CSMD3: variants seen among roughly 807,000 people sequenced by gnomAD.
CSMD3 encodes CUB and sushi domain-containing protein 3.
In CSMD3, 177 loss-of-function variants were observed where a neutral mutation model predicts 435.2. The ratio of observed to expected loss-of-function variants is 0.41; its 90% CI spans 0.36 to 0.46. The LOEUF (loss-of-function observed/expected upper bound fraction) is 0.46. CSMD3 is among the 20% of genes least tolerant of loss of function. CSMD3 has a pLI of 0.34. For synonymous variants in CSMD3, 1,656 were observed against 1,520.5 expected (o/e 1.09, Z -2.07); for missense variants, 4,265 against 4,504.6 (o/e 0.95, Z 1.52).
At chr8:112,476,342 G>A (rs1012686188) in intron 31 of CSMD3, among the ~76,000 whole-genome samples, 2 of 152,022 alleles carry the variant, frequency 1.3e-5, no homozygotes, top group South Asian at 2.1e-4. Flanking sequence ...CACCACGCCC[G>A]GCCTAAATCT....
chr8:112,511,551 G>A (rs2130957064), intron 28 of CSMD3, among the ~76,000 whole-genome samples: 1 of 151,996 alleles, frequency 6.6e-6, no homozygotes, highest in East Asian at 1.9e-4. Flanking sequence ...CACCATGCCT[G>A]GCTAATTTTG....
intron 22 of CSMD3, among the ~76,000 whole-genome samples, chr8:112,606,521 C>T (rs547618680): frequency 6.6e-6 from 1 of 152,282 alleles, no homozygotes; most frequent in Admixed American, 6.5e-5. Flanking sequence ...AAACACTGTA[C>T]TTGAACTACC....
At chr8:112,685,970 T>C (rs542705461) in intron 14 of CSMD3, among the ~76,000 whole-genome samples, 4 of 132,004 alleles carry the variant, frequency 3.0e-5, no homozygotes, top group Non-Finnish European at 6.3e-5. Context: ...ATTGGAATAA[T>C]AGCAATTTTT....
intron 45 of CSMD3, among the ~76,000 whole-genome samples, chr8:112,334,630 A>G (rs1463266767): frequency 6.6e-6 from 1 of 152,202 alleles, no homozygotes; most frequent in African/African-American, 2.4e-5. Flanking sequence ...ATAAATAGCC[A>G]TTTTCTTATT....
At chr8:112,564,434 C>T (rs973352968) in intron 24 of CSMD3, among the ~76,000 whole-genome samples, 1 of 147,510 alleles carries the variant, frequency 6.8e-6, no homozygotes, top group African/African-American at 2.5e-5. Context: ...TCTTTTTTTC[C>T]GGGACTTGGT....
chr8:113,333,286 G>C (rs2094042278), intron 1 of CSMD3, among the ~76,000 whole-genome samples: 1 of 151,614 alleles, frequency 6.6e-6, no homozygotes, highest in Non-Finnish European at 1.5e-5. Flanking sequence ...TAATATTGAT[G>C]AATTTCATGT....
intron 10 of CSMD3, among the ~76,000 whole-genome samples, chr8:112,905,048 A>G (rs184167488): frequency 6.6e-6 from 1 of 151,466 alleles, no homozygotes; most frequent in South Asian, 2.1e-4. Context: ...CAGATTAATC[A>G]AAGTATCTGA....
At chr8:112,236,409 T>C (rs1209994711) in intron 67 of CSMD3, among the ~76,000 whole-genome samples, 1 of 152,108 alleles carries the variant, frequency 6.6e-6, no homozygotes, top group African/African-American at 2.4e-5. Context: ...GGGAATACAA[T>C]ATTAAGTTGG....
rs748753826 is a variant in CSMD3, at chr8:112,556,969, T to C, written c.4043-15A>G. 2 of 1,579,944 alleles carry C rather than the reference T, an allele frequency of 1.3e-6. No homozygotes were observed. Among genetic ancestry groups the C allele is most frequent in the Non-Finnish European group, 1.7e-6 (2 of 1,150,112 alleles). ...GAGTTCAAAACCTGGGACAAAAATA[T>C]AAATTGATTAAAGGCAAAATTTAGG... is the stretch of plus-strand genomic sequence containing the variant. On this transcript the variant is annotated splice_polypyrimidine_tract_variant and intron_variant, in intron 24 of 70. Transcript: ENST00000297405.
chr8:112,946,802 A>C (rs533314399), intron 9 of CSMD3, among the ~76,000 whole-genome samples: 1 of 151,792 alleles, frequency 6.6e-6, no homozygotes, highest in South Asian at 2.1e-4. Flanking sequence ...CATTTTAGAA[A>C]ATTACAATTG....
At chr8:112,853,204 G>C (rs888574725) in intron 11 of CSMD3, among the ~76,000 whole-genome samples, 1 of 151,978 alleles carries the variant, frequency 6.6e-6, no homozygotes, top group Non-Finnish European at 1.5e-5. Flanking sequence ...TTTGCCAGTT[G>C]TTCATCACTT....
intron 1 of CSMD3, among the ~76,000 whole-genome samples, chr8:113,353,414 T>G (rs1477174599): frequency 1.3e-5 from 2 of 152,150 alleles, no homozygotes; most frequent in Non-Finnish European, 2.9e-5. Flanking sequence ...CAATTTGCAG[T>G]TGAGCTGTTT....
At chr8:113,128,562 AC>A (rs1193315698) in intron 4 of CSMD3, among the ~76,000 whole-genome samples, 5 of 152,008 alleles carry the variant, frequency 3.3e-5, no homozygotes, top group Admixed American at 3.3e-4. Flanking sequence ...GAGAAGGAAG[AC>A]CTAGATGCAT....
intron 10 of CSMD3, among the ~76,000 whole-genome samples, chr8:112,909,407 A>G (rs992645243): frequency 6.6e-6 from 1 of 151,706 alleles, no homozygotes. Flanking sequence ...TTTTAAACAC[A>G]TATTTTTTTT....
chr8:112,773,178 A>G (rs76512345), intron 13 of CSMD3, among the ~76,000 whole-genome samples: 2,364 of 152,238 alleles, frequency 0.016, 120 homozygotes, highest in Admixed American at 0.096. Flanking sequence ...CAGAATAAAA[A>G]TGAAATAAAG....
At chr8:112,981,713 C>A (rs2085059838) in intron 6 of CSMD3, among the ~76,000 whole-genome samples, 1 of 151,654 alleles carries the variant, frequency 6.6e-6, no homozygotes, top group African/African-American at 2.4e-5. Flanking sequence ...AAATTATACA[C>A]TATTACACAA....
At chr8:112,573,365 A>T in intron 24 of CSMD3, 136 bp downstream of exon 24, 1 of 833,230 alleles carries the variant, frequency 1.2e-6, no homozygotes, top group South Asian at 1.5e-5. Context: ...TTAGGGTCAA[A>T]TAAAATTATA....
intron 59 of CSMD3, among the ~76,000 whole-genome samples, chr8:112,268,692 A>G (rs1285726728): frequency 1.3e-5 from 2 of 152,212 alleles, no homozygotes; most frequent in Non-Finnish European, 2.9e-5. Flanking sequence ...CAGACAATGC[A>G]GCAACGAAAA....
intron 3 of CSMD3, among the ~76,000 whole-genome samples, chr8:113,268,560 C>A (rs895925991): frequency 1.3e-5 from 2 of 151,718 alleles, no homozygotes; most frequent in African/African-American, 4.8e-5. Context: ...GATTCGACTG[C>A]AAGAAGTTTC....
Sources: allele counts gnomAD v4.1 joint callset (sites outside exome capture counted in the v4.1 genomes callset), GRCh38; gene constraint gnomAD v4.1.1; transcripts MANE v1.5; gene names NCBI Gene and HGNC (gene_info 2026-07-23, HGNC 2026-07-21).